SLC35E3: variants seen among roughly 807,000 people sequenced by gnomAD.
SLC35E3 encodes the protein bladder cancer-overexpressed gene 1 protein.
A neutral mutation model predicts 30.8 loss-of-function variants in SLC35E3; 28 were observed. That is an observed-to-expected ratio of 0.91 (90% CI 0.67 to 1.25). SLC35E3 has a LOEUF of 1.25. Among genes scored for constraint, SLC35E3 ranks in the 50% most tolerant of loss-of-function variants. The pLI is 0.00. For synonymous variants in SLC35E3, 146 were observed against 149.2 expected (o/e 0.98, Z 0.16); for missense variants, 365 against 375.4 (o/e 0.97, Z 0.23).
rs1284116882 is a variant in SLC35E3 at position 68,768,891 on chromosome 12, CT to C, written c.*4005del. 6.6e-6 allele frequency: 1 copy of C among 152,140 alleles called. No individual in the cohort carries two copies. The highest frequency in any genetic ancestry group is 2.4e-5 in the African/African-American group (1 of 41,424). The allele number at this position is 152,140 out of a possible 1,614,324, so 9.4% of individuals were successfully genotyped here. ...TTCTTCTGTTTCACTTTTTAAAATA[CT>C]TTTAAAATCTTGCTGTTTTCAACCT... On this transcript the variant is annotated 3_prime_UTR_variant, in exon 5 of 5. Transcript: ENST00000398004.
At position 68,771,822 on chromosome 12, in the gene SLC35E3, C is replaced by G. The variant is rs1470285043; in HGVS notation, c.*6932C>G. 2.0e-5 allele frequency: 3 copies of G among 152,326 alleles called. No homozygotes were observed. Among genetic ancestry groups the G allele is most frequent in the Non-Finnish European group, 4.4e-5 (3 of 68,144 alleles). The allele number at this position is 152,326 out of a possible 1,614,324, so 9.4% of individuals were successfully genotyped here. ...TTCACTGGTATAGCCTTTGGCAAAG[C>G]CTTTGGGCAGCTTGCTCAAATCTTA... On this transcript the variant is annotated 3_prime_UTR_variant, in exon 5 of 5. Transcript: ENST00000398004.
At chr12:68,763,365 TTGTGTG>T (rs754969282) in intron 4 of SLC35E3, among the ~76,000 whole-genome samples, 3 of 150,830 alleles carry the variant, frequency 2.0e-5, no homozygotes, top group South Asian at 4.2e-4. Context: ...ATATAAGTAA[TTGTGTG>T]TGTGTGTGTG....
At position 68,770,149 on chromosome 12, in the gene SLC35E3, T is replaced by C. The variant is rs10784726; in HGVS notation, c.*5259T>C. The C allele has an allele frequency of 0.99, 150,725 of 152,308 alleles. 74,596 individuals carry two copies. Among genetic ancestry groups the C allele is most frequent in the East Asian group, 1 (5,170 of 5,170 alleles). 9.4% of individuals were successfully genotyped at this position (152,308 alleles called of 1,614,324 possible). The stretch of plus-strand genomic sequence containing the variant: ...AGAGGGAATAGCACATACAAATGCC[T>C]AGTGGTTGGAGGAATTGTGATGCTT... On this transcript the variant is annotated 3_prime_UTR_variant, in exon 5 of 5. Coordinates refer to ENST00000398004, the MANE Select transcript of SLC35E3 (RefSeq NM_018656.5).
chr12:68,778,614 A>G lies in SLC35E3; in HGVS notation c.*13724A>G, dbSNP rs1263869671. The G allele has an allele frequency of 6.6e-6, 1 of 152,122 alleles. No homozygotes were observed. The highest frequency in any genetic ancestry group is 1.5e-5 in the Non-Finnish European group (1 of 68,044). 9.4% of individuals were successfully genotyped at this position (152,122 alleles called of 1,614,324 possible). On this transcript the variant is annotated 3_prime_UTR_variant, in exon 5 of 5. Transcript: ENST00000398004. ...AGACCAGCCTAGCCAACATGGCGAA[A>G]CCTCGTCTCTACTAAAAATACAAAA...
chr12:68,748,087 A>C, intron 2 of SLC35E3, 47 bp downstream of exon 2: 2 of 1,085,962 alleles, frequency 1.8e-6, no homozygotes, highest in Non-Finnish European at 2.8e-6. Context: ...AGATTTCATA[A>C]ATTTTGAAGC....
chr12:68,764,216 A>G (rs1398415621), intron 4 of SLC35E3, among the ~76,000 whole-genome samples: 1 of 152,164 alleles, frequency 6.6e-6, no homozygotes, highest in African/African-American at 2.4e-5. Context: ...TTTGGAGGTC[A>G]GTAGGAATGG....
At chr12:68,748,362 T>G (rs1366137398) in intron 2 of SLC35E3, among the ~76,000 whole-genome samples, 1 of 152,188 alleles carries the variant, frequency 6.6e-6, no homozygotes, top group Non-Finnish European at 1.5e-5. Context: ...ATGTTTTCTG[T>G]TTACTCTTTA....
rs549168423 is a variant in SLC35E3 at position 68,766,275 on chromosome 12, T to C, written c.*1385T>C. On this transcript the variant is annotated 3_prime_UTR_variant, in exon 5 of 5. Transcript: ENST00000398004. ...GTTGAGGCAGGCAGATCACCTGAGGTTGGGAGTTCAAGACCAGTCTGACCA... is the reference window on the plus strand; with the variant it reads ...GTTGAGGCAGGCAGATCACCTGAGGCTGGGAGTTCAAGACCAGTCTGACCA... 2 of 152,136 alleles carry C rather than the reference T, an allele frequency of 1.3e-5. No individual in the cohort carries two copies. The highest frequency in any genetic ancestry group is 4.8e-5 in the African/African-American group (2 of 41,500). The allele number at this position is 152,136 out of a possible 1,614,324, so 9.4% of individuals were successfully genotyped here.
In SLC35E3 at chr12:68,767,686, G is replaced by A. The variant is rs868659208; in HGVS notation, c.*2796G>A. 1.3e-5 allele frequency: 2 copies of A among 151,864 alleles called. No individual in the cohort carries two copies. The highest frequency in any genetic ancestry group is 2.9e-5 in the Non-Finnish European group (2 of 68,004). The allele number at this position is 151,864 out of a possible 1,614,324, so 9.4% of individuals were successfully genotyped here. A position where few individuals can be genotyped will look rare whatever the true frequency, so the allele number is the denominator to read the frequency against. On this transcript the variant is annotated 3_prime_UTR_variant, in exon 5 of 5. Transcript: ENST00000398004. ...CCTGGACTCTGAAATGAGAAGCCTC[G>A]CTGAAAATCTGTTTTGGAGAATTCC...
rs879846916 is a variant in SLC35E3 at position 68,768,894 on chromosome 12, T to C, written c.*4004T>C. The C allele has an allele frequency of 6.6e-5, 10 of 152,224 alleles. No individual in the cohort carries two copies. Among genetic ancestry groups the C allele is most frequent in the Non-Finnish European group, 1.3e-4 (9 of 68,036 alleles). The allele number at this position is 152,224 out of a possible 1,614,324, so 9.4% of individuals were successfully genotyped here. A position where few individuals can be genotyped will look rare whatever the true frequency, so the allele number is the denominator to read the frequency against. ...TTCTGTTTCACTTTTTAAAATACTT[T>C]TAAAATCTTGCTGTTTTCAACCTAT... is the stretch of plus-strand genomic sequence containing the variant. On this transcript the variant is annotated 3_prime_UTR_variant, in exon 5 of 5. Transcript: ENST00000398004.
At position 68,777,277 on chromosome 12, in the gene SLC35E3, A is replaced by G. The variant is rs1178266181; in HGVS notation, c.*12387A>G. 1 of 152,152 alleles carries G rather than the reference A, an allele frequency of 6.6e-6. No individual in the cohort carries two copies. Among genetic ancestry groups the G allele is most frequent in the Non-Finnish European group, 1.5e-5 (1 of 68,036 alleles). 9.4% of individuals were successfully genotyped at this position (152,152 alleles called of 1,614,324 possible). On this transcript the variant is annotated 3_prime_UTR_variant, in exon 5 of 5. Coordinates refer to ENST00000398004, the MANE Select transcript of SLC35E3 (RefSeq NM_018656.5). ...AGGAAATGGCTGCTTATTGGCATGG[A>G]GTTATTGAATGCAGAACTTTTCAGC...
In SLC35E3 at chr12:68,764,959, TAAAA is replaced by T. The variant is rs374568291; in HGVS notation, c.*78_*81del. 5,047 of 1,182,680 alleles carry T rather than the reference TAAAA, an allele frequency of 4.3e-3. 150 individuals carry two copies. In the African/African-American group the frequency reaches 0.07, roughly 16 times the overall value. 73.3% of individuals were successfully genotyped at this position (1,182,680 alleles called of 1,614,324 possible). On this transcript the variant is annotated 3_prime_UTR_variant, in exon 5 of 5. Coordinates refer to ENST00000398004, the MANE Select transcript of SLC35E3 (RefSeq NM_018656.5). ...AAATATTGTTAAGTGTGCAAGTTATTAAAAAAAAAAAATTGGGCCAGGCACGGTG... is the reference window on the plus strand; with the variant it reads ...AAATATTGTTAAGTGTGCAAGTTATTAAAAAAAATTGGGCCAGGCACGGTG...
chr12:68,771,458 T>G lies in SLC35E3; in HGVS notation c.*6568T>G, dbSNP rs1879599513. On this transcript the variant is annotated 3_prime_UTR_variant, in exon 5 of 5. Transcript: ENST00000398004. ...AGCAAGAACAGACTATAACTGAAGT[T>G]GAGGAACTCTGGTATACAATGATAG... The G allele has an allele frequency of 6.6e-6, 1 of 152,050 alleles. No homozygotes were observed. Among genetic ancestry groups the G allele is most frequent in the African/African-American group, 2.4e-5 (1 of 41,408 alleles). The allele number at this position is 152,050 out of a possible 1,614,324, so 9.4% of individuals were successfully genotyped here. A position where few individuals can be genotyped will look rare whatever the true frequency, so the allele number is the denominator to read the frequency against.
intron 3 of SLC35E3, among the ~76,000 whole-genome samples, chr12:68,753,724 T>G (rs1441976748): frequency 6.6e-6 from 1 of 151,724 alleles, no homozygotes; most frequent in African/African-American, 2.4e-5. Context: ...CACATTCCAT[T>G]ACCCCCTAAT....
chr12:68,747,981 A>T lies in SLC35E3; in HGVS notation c.454A>T (p.Asn152Tyr). 1 of 1,611,472 alleles carries T rather than the reference A, an allele frequency of 6.2e-7. No homozygotes were observed. Among genetic ancestry groups the T allele is most frequent in the Non-Finnish European group, 8.5e-7 (1 of 1,178,016 alleles). Residue 152 changes from asparagine to tyrosine, a missense_variant, in exon 2 of 5, where the codon AAT becomes TAT. Transcript: ENST00000398004. ...AAATTCTTATTACGATGTGAAGTTT[A>T]ATTTCCTTGGAATGGTGTTTGCTGC... Reference protein sequence around the residue: ...ILNSYYDVKFNFLGMVFAALG... With the variant: ...ILNSYYDVKFYFLGMVFAALG...
chr12:68,747,873 C>T, intron 1 of SLC35E3, 57 bp from the exon 2 acceptor site: 1 of 864,290 alleles, frequency 1.2e-6, no homozygotes, highest in Non-Finnish European at 1.9e-6. Context: ...GAAAGGAATA[C>T]TAAATTTTTG....
At position 68,766,486 on chromosome 12, in the gene SLC35E3, CAAA is replaced by C. The variant is rs57012731; in HGVS notation, c.*1612_*1614del. ...GGGCAACAAGAGTGAAACTCCATCTCAAAAAAAAAAAAAAAAAATAGCCCTATG... is the reference window on the plus strand; with the variant it reads ...GGGCAACAAGAGTGAAACTCCATCTCAAAAAAAAAAAAAAATAGCCCTATG... On this transcript the variant is annotated 3_prime_UTR_variant, in exon 5 of 5. Coordinates refer to ENST00000398004, the MANE Select transcript of SLC35E3 (RefSeq NM_018656.5). 122 of 83,542 alleles carry C rather than the reference CAAA, an allele frequency of 1.5e-3. No individual in the cohort carries two copies. Among genetic ancestry groups the C allele is most frequent in the South Asian group, 7.7e-3 (38 of 4,914 alleles). The allele number at this position is 83,542 out of a possible 1,614,324, so 5.2% of individuals were successfully genotyped here.
chr12:68,773,386 G>C lies in SLC35E3; in HGVS notation c.*8496G>C, dbSNP rs928188355. The C allele has an allele frequency of 2.6e-5, 4 of 151,968 alleles. No homozygotes were observed. Among genetic ancestry groups the C allele is most frequent in the Non-Finnish European group, 5.9e-5 (4 of 68,092 alleles). 9.4% of individuals were successfully genotyped at this position (151,968 alleles called of 1,614,324 possible). ...CATCCGACTCGTCAAGTCTTTCTCT[G>C]CTTGGAGTTTTGTTTTGTTTTTATT... On this transcript the variant is annotated 3_prime_UTR_variant, in exon 5 of 5. Transcript: ENST00000398004.
chr12:68,749,101 C>T (rs1257510779), intron 2 of SLC35E3, among the ~76,000 whole-genome samples: 1 of 152,202 alleles, frequency 6.6e-6, no homozygotes, highest in Non-Finnish European at 1.5e-5. Flanking sequence ...TAATTGTACT[C>T]CTTATACGTA....
Sources: allele counts gnomAD v4.1 joint callset (sites outside exome capture counted in the v4.1 genomes callset), GRCh38; gene constraint gnomAD v4.1.1; transcripts MANE v1.5; gene names NCBI Gene and HGNC (gene_info 2026-07-23, HGNC 2026-07-21).